The following PCDH9 variants were observed in gnomAD, a reference collection of about 807,000 sequenced individuals.
The protein encoded by PCDH9 is protocadherin-9.
In PCDH9, 24 loss-of-function variants were observed where a neutral mutation model predicts 70.6. That is an observed-to-expected ratio of 0.34 (90% CI 0.25 to 0.48). PCDH9 has a LOEUF of 0.48. PCDH9 is among the 20% of genes least tolerant of loss of function. The probability of loss-of-function intolerance (pLI) is 0.99; values close to 1 mark genes in which losing one functional copy is unlikely to be tolerated. For missense variants in PCDH9, 1,281 were observed against 1,503.6 expected (o/e 0.85, Z 2.45); for synonymous variants, 562 against 558.5 (o/e 1.01, Z -0.09).
At chr13:67,019,183 T>C (rs12873095) in intron 2 of PCDH9, among the ~76,000 whole-genome samples, 1 of 131,698 alleles carries the variant, frequency 7.6e-6, no homozygotes, top group Admixed American at 9.6e-5. Context: ...CTTCAGGCAG[T>C]TGCTCTTTTT....
At chr13:66,657,747 C>T (rs2077952080) in intron 3 of PCDH9, among the ~76,000 whole-genome samples, 3 of 152,290 alleles carry the variant, frequency 2.0e-5, no homozygotes, top group South Asian at 4.1e-4. Flanking sequence ...ATCCTACACT[C>T]CTGGGCATAT....
intron 4 of PCDH9, among the ~76,000 whole-genome samples, chr13:66,574,912 C>A (rs1478123930): frequency 5.3e-5 from 8 of 152,132 alleles, no homozygotes; most frequent in African/African-American, 1.7e-4. Flanking sequence ...GTGGCTCATG[C>A]CTGTAATCCC....
chr13:67,023,653 G>A (rs181017881), intron 2 of PCDH9, among the ~76,000 whole-genome samples: 30 of 152,258 alleles, frequency 2.0e-4, no homozygotes, highest in South Asian at 8.3e-4. Flanking sequence ...GAATCAACAC[G>A]TATTCCTGGC....
intron 3 of PCDH9, among the ~76,000 whole-genome samples, chr13:66,730,876 GTTTT>G (rs758928616): frequency 2.2e-5 from 1 of 46,358 alleles, no homozygotes; most frequent in African/African-American, 7.5e-5. Flanking sequence ...GTGTGTGTGT[GTTTT>G]TTTTTTGTTT....
At chr13:67,083,842 G>A (rs185108693) in intron 2 of PCDH9, among the ~76,000 whole-genome samples, 2 of 152,186 alleles carry the variant, frequency 1.3e-5, no homozygotes, top group East Asian at 3.9e-4. Context: ...TTTGAAATGG[G>A]TTAACAATTC....
intron 2 of PCDH9, among the ~76,000 whole-genome samples, chr13:67,071,138 C>G (rs189980956): frequency 1.3e-4 from 20 of 152,198 alleles, no homozygotes; most frequent in Admixed American, 9.8e-4. Context: ...CCAGTCGTAA[C>G]AGAAAAAACA....
At chr13:66,340,256 G>T (rs1027666051) in intron 4 of PCDH9, among the ~76,000 whole-genome samples, 1 of 152,138 alleles carries the variant, frequency 6.6e-6, no homozygotes, top group Admixed American at 6.5e-5. Context: ...GGAGCTTATC[G>T]TTTTTTGTCC....
intron 2 of PCDH9, among the ~76,000 whole-genome samples, chr13:67,091,877 C>T (rs2086225623): frequency 6.6e-6 from 1 of 152,042 alleles, no homozygotes; most frequent in East Asian, 1.9e-4. Context: ...CTTTTATCCC[C>T]AGTGAATAAA....
chr13:66,530,630 C>T (rs1960411521), intron 4 of PCDH9, among the ~76,000 whole-genome samples: 1 of 151,838 alleles, frequency 6.6e-6, no homozygotes, highest in African/African-American at 2.4e-5. Context: ...TTAGTGATGC[C>T]TGTGTCCATG....
chr13:66,568,053 C>G (rs2076677796), intron 4 of PCDH9, among the ~76,000 whole-genome samples: 1 of 152,144 alleles, frequency 6.6e-6, no homozygotes, highest in African/African-American at 2.4e-5. Context: ...GAAGGCCTAA[C>G]TCCCTCTATG....
At chr13:67,000,502 A>T (rs555187143) in intron 2 of PCDH9, among the ~76,000 whole-genome samples, 26 of 151,904 alleles carry the variant, frequency 1.7e-4, no homozygotes, top group African/African-American at 3.4e-4. Context: ...TAAAATAAAA[A>T]AAAGACTTTA....
chr13:66,305,758 T>C lies in PCDH9; in HGVS notation c.3341-730A>G, dbSNP rs975177968. ...CCCCTGAGCTTAACTATTTTCTAAA[T>C]TTCTAAGGTATAAAACTGAAGCTAA... On this transcript the variant is annotated intron_variant, in intron 4 of 4. Transcript: ENST00000377865. Among the ~76,000 whole-genome samples, 11 of 152,170 alleles carry C rather than the reference T, an allele frequency of 7.2e-5. 1 individual carries two copies. The highest frequency in any genetic ancestry group is 5.8e-4 in the East Asian group (3 of 5,180).
At chr13:66,458,084 A>G (rs181640717) in intron 4 of PCDH9, among the ~76,000 whole-genome samples, 1 of 151,998 alleles carries the variant, frequency 6.6e-6, no homozygotes, top group East Asian at 1.9e-4. Context: ...AGAGAGACAA[A>G]TCATGCTTTT....
chr13:66,838,521 A>G (rs1262053921), intron 3 of PCDH9, among the ~76,000 whole-genome samples: 3 of 152,102 alleles, frequency 2.0e-5, no homozygotes, highest in African/African-American at 7.2e-5. Context: ...ACCTGCTCTG[A>G]TATTAATAGC....
At chr13:66,462,363 T>A (rs1214360326) in intron 4 of PCDH9, among the ~76,000 whole-genome samples, 2 of 151,894 alleles carry the variant, frequency 1.3e-5, no homozygotes, top group African/African-American at 2.4e-5. Flanking sequence ...AGTGCCGTTA[T>A]CAGAAATAAG....
chr13:67,129,660 G>A (rs929998175), intron 2 of PCDH9, among the ~76,000 whole-genome samples: 9 of 151,548 alleles, frequency 5.9e-5, no homozygotes, highest in African/African-American at 1.5e-4. Flanking sequence ...AGAGGTAATC[G>A]TATATTCCAT....
At chr13:66,420,091 A>G (rs1319283457) in intron 4 of PCDH9, among the ~76,000 whole-genome samples, 2 of 152,136 alleles carry the variant, frequency 1.3e-5, no homozygotes. Flanking sequence ...CCACGGTGCC[A>G]CAAAGCCACT....
chr13:66,372,526 G>T (rs943665942), intron 4 of PCDH9, among the ~76,000 whole-genome samples: 1 of 151,566 alleles, frequency 6.6e-6, no homozygotes, highest in Non-Finnish European at 1.5e-5. Context: ...AGATGGGTAA[G>T]AGGTTAAAAT....
chr13:66,829,014 T>C (rs1222114106), intron 3 of PCDH9, among the ~76,000 whole-genome samples: 1 of 151,254 alleles, frequency 6.6e-6, no homozygotes, highest in African/African-American at 2.4e-5. Flanking sequence ...GGGTCTTTTT[T>C]TGTTTTTTTG....
Sources: allele counts gnomAD v4.1 joint callset (sites outside exome capture counted in the v4.1 genomes callset), GRCh38; gene constraint gnomAD v4.1.1; transcripts MANE v1.5; gene names NCBI Gene and HGNC (gene_info 2026-07-23, HGNC 2026-07-21).